UBE2U: variants seen among roughly 807,000 people sequenced by gnomAD.
The protein encoded by UBE2U is ubiquitin conjugating enzyme E2 U.
A neutral mutation model predicts 41.2 loss-of-function variants in UBE2U; 39 were observed. The observed-to-expected ratio is 0.95, with a 90% confidence interval of 0.73 to 1.24. The LOEUF (loss-of-function observed/expected upper bound fraction) is 1.24. Ranked by LOEUF, UBE2U falls within the 50% of genes most tolerant of loss-of-function variation. The probability of loss-of-function intolerance (pLI) is 0.00; values close to 1 mark genes in which losing one functional copy is unlikely to be tolerated. For missense variants in UBE2U, 336 were observed against 363.1 expected (o/e 0.93, Z 0.61); for synonymous variants, 107 against 117.8 (o/e 0.91, Z 0.60).
chr1:64,210,417 A>G (rs1651593830), intron 3 of UBE2U, among the ~76,000 whole-genome samples: 1 of 152,196 alleles, frequency 6.6e-6, no homozygotes, highest in South Asian at 2.1e-4. Flanking sequence ...GGGGGAAGAA[A>G]AGAAGGAAAG....
chr1:64,256,087 G>C, intron 8 of UBE2U, among the ~76,000 whole-genome samples: 1 of 152,110 alleles, frequency 6.6e-6, no homozygotes, highest in East Asian at 1.9e-4. Flanking sequence ...CCTCTTCACA[G>C]AGAACCACAA....
At chr1:64,242,979 C>T (rs865904481) in intron 8 of UBE2U, among the ~76,000 whole-genome samples, 1 of 152,138 alleles carries the variant, frequency 6.6e-6, no homozygotes. Flanking sequence ...ATGCCAACAT[C>T]CTGCAGAACC....
At position 64,210,838 on chromosome 1, in the gene UBE2U, A is replaced by C; in HGVS notation, c.338A>C (p.Gln113Pro). ...TTGAGCAGCATCTTACTTGCCCTAC[A>C]GGTAAGAATGGATTTCATATAATCC... The part of the protein sequence containing the change: ...YTLSSILLAL[Q>P]VMLSNPVLEN... Residue 113 changes from glutamine (Q) to proline (P), a missense_variant and splice_region_variant, in exon 4 of 10, where the codon CAG becomes CCG. Physicochemically the swap from Gln to Pro is moderately conservative, Grantham distance 76. Transcript: ENST00000371077. 3 of 1,591,534 alleles carry C rather than the reference A, an allele frequency of 1.9e-6. No homozygotes were observed. Among genetic ancestry groups the C allele is most frequent in the Non-Finnish European group, 2.6e-6 (3 of 1,168,684 alleles).
intron 8 of UBE2U, among the ~76,000 whole-genome samples, chr1:64,254,310 G>A (rs949518029): frequency 3.3e-5 from 5 of 152,070 alleles, no homozygotes; most frequent in African/African-American, 1.2e-4. Flanking sequence ...CAGTAATAGT[G>A]GGAGACTTTA....
intron 8 of UBE2U, among the ~76,000 whole-genome samples, chr1:64,249,462 A>G (rs1304226793): frequency 6.6e-6 from 1 of 151,824 alleles, no homozygotes; most frequent in Non-Finnish European, 1.5e-5. Flanking sequence ...CATCAATACA[A>G]ATAGATCCAT....
intron 4 of UBE2U, 21 bp downstream of exon 4, chr1:64,210,860 A>G (rs368864268): frequency 1.3e-6 from 2 of 1,533,672 alleles, no homozygotes; most frequent in Admixed American, 1.8e-5. Flanking sequence ...ATTTCATATA[A>G]TCCTCTCTTT....
intron 6 of UBE2U, among the ~76,000 whole-genome samples, chr1:64,221,244 T>G (rs1287442482): frequency 1.3e-5 from 2 of 152,116 alleles, no homozygotes; most frequent in East Asian, 3.9e-4. Context: ...CCCAAGTAGC[T>G]GCAATTATAG....
intron 6 of UBE2U, among the ~76,000 whole-genome samples, chr1:64,230,522 CAT>C (rs1003148032): frequency 1.3e-5 from 2 of 152,146 alleles, no homozygotes; most frequent in Non-Finnish European, 2.9e-5. Context: ...TCTGTGTGTA[CAT>C]ATGTGCACGC....
At chr1:64,210,691 TA>T (rs1156508245) in intron 3 of UBE2U, 50 bp from the exon 4 acceptor site, 6 of 1,195,866 alleles carry the variant, frequency 5.0e-6, no homozygotes, top group Non-Finnish European at 6.8e-6. Flanking sequence ...TTGTAAGTTT[TA>T]AATAATAATT....
intron 6 of UBE2U, among the ~76,000 whole-genome samples, chr1:64,230,397 C>T (rs1305846720): frequency 6.6e-6 from 1 of 152,208 alleles, no homozygotes; most frequent in Non-Finnish European, 1.5e-5. Context: ...TTAAACCGTT[C>T]TCTGCCTAAA....
Position 64,228,143 on chromosome 1 carries a change from G to C in UBE2U, c.507-4418G>C, listed in dbSNP as rs72918846. Among the ~76,000 whole-genome samples, 5 of 152,224 alleles carry C rather than the reference G, an allele frequency of 3.3e-5. No homozygotes were observed. In the East Asian group the frequency reaches 9.7e-4, roughly 29 times the overall value. On this transcript the variant is annotated intron_variant, in intron 6 of 9. Transcript: ENST00000371077. ...TTTTGAAGAACAAAGTTACAGCATA[G>C]ATACCCCTAGATATTAAGATGTACT...
Position 64,267,053 on chromosome 1 carries a change from A to G in UBE2U, c.799A>G (p.Ile267Val), listed in dbSNP as rs557018411. 478 of 1,549,436 alleles carry G rather than the reference A, an allele frequency of 3.1e-4. No individual in the cohort carries two copies. Among genetic ancestry groups the G allele is most frequent in the Non-Finnish European group, 4.0e-4 (459 of 1,146,822 alleles). ...AATTTTTCTTGAGTCACCAACTGCA[A>G]TAAATAGCATCACAGACATTTATGA... ...NEIFLESPTAINSITDIYETE... is the reference protein window; with the variant it reads ...NEIFLESPTAVNSITDIYETE... Residue 267 changes from isoleucine (I) to valine (V), a missense_variant, in exon 10 of 10, where the codon ATA becomes GTA. Coordinates refer to ENST00000371077, the MANE Select transcript of UBE2U (RefSeq NM_001366232.2).
At chr1:64,229,377 G>A (rs1283517007) in intron 6 of UBE2U, among the ~76,000 whole-genome samples, 1 of 152,158 alleles carries the variant, frequency 6.6e-6, no homozygotes, top group Non-Finnish European at 1.5e-5. Flanking sequence ...AGGCAATGGA[G>A]ACCAGCTGAC....
At chr1:64,240,099 A>G (rs1251759434) in intron 7 of UBE2U, among the ~76,000 whole-genome samples, 1 of 152,158 alleles carries the variant, frequency 6.6e-6, no homozygotes, top group Admixed American at 6.5e-5. Flanking sequence ...CTTGTAATTA[A>G]CCACAAACTT....
intron 1 of UBE2U, among the ~76,000 whole-genome samples, chr1:64,204,688 G>A (rs964422098): frequency 1.3e-5 from 2 of 152,160 alleles, no homozygotes; most frequent in Non-Finnish European, 2.9e-5. Context: ...AATGTCCATG[G>A]CTGCCACAGG....
intron 7 of UBE2U, among the ~76,000 whole-genome samples, chr1:64,234,406 A>G (rs974898516): frequency 6.6e-6 from 1 of 152,072 alleles, no homozygotes; most frequent in East Asian, 1.9e-4. Context: ...CTTCCACTCT[A>G]CTACACCCCC....
intron 7 of UBE2U, among the ~76,000 whole-genome samples, chr1:64,237,304 G>GAAAAAAAAAAAAAAAAA (rs35861714): frequency 2.1e-5 from 2 of 95,796 alleles, no homozygotes; most frequent in African/African-American, 4.6e-5. Context: ...ATGTATCATA[G>GAAAAAAAAAAAAAAAAA]AAAAAAAAAA....
At chr1:64,263,241 C>T (rs1309782867) in intron 9 of UBE2U, among the ~76,000 whole-genome samples, 1 of 152,078 alleles carries the variant, frequency 6.6e-6, no homozygotes, top group Non-Finnish European at 1.5e-5. Flanking sequence ...TTAATTCCTG[C>T]TCCACCTACA....
chr1:64,247,948 C>T (rs1367346805), intron 8 of UBE2U, among the ~76,000 whole-genome samples: 1 of 151,936 alleles, frequency 6.6e-6, no homozygotes, highest in Non-Finnish European at 1.5e-5. Context: ...CACACACCGG[C>T]TCCCCTTTAC....
Sources: allele counts gnomAD v4.1 joint callset (sites outside exome capture counted in the v4.1 genomes callset), GRCh38; gene constraint gnomAD v4.1.1; transcripts MANE v1.5; gene names NCBI Gene and HGNC (gene_info 2026-07-23, HGNC 2026-07-21).